The following CASK variants were observed in gnomAD, a reference collection of about 807,000 sequenced individuals.
The protein encoded by CASK is peripheral plasma membrane protein CASK.
A neutral mutation model predicts 82.9 loss-of-function variants in CASK; 4 were observed. The ratio of observed to expected loss-of-function variants is 0.05; its 90% CI spans 0.02 to 0.11. The LOEUF (loss-of-function observed/expected upper bound fraction) is 0.11, where lower values mean the gene tolerates loss of function less well. CASK is among the 10% of genes least tolerant of loss of function. The pLI is 1.00. For missense variants in CASK, 358 were observed against 720.9 expected (o/e 0.50, Z 5.76); for synonymous variants, 259 against 253.5 (o/e 1.02, Z -0.20).
At chrX:41,876,399 G>A (rs765305234) in intron 1 of CASK, among the ~76,000 whole-genome samples, 1 of 111,420 alleles carries the variant, frequency 9.0e-6, no homozygotes, top group Non-Finnish European at 1.9e-5. Context: ...CAAAGTCCAT[G>A]ACTTTTTTAA....
At chrX:41,544,564 T>TAAAAAAAAAAA (rs752196101) in intron 21 of CASK, among the ~76,000 whole-genome samples, 1 of 48,394 alleles carries the variant, frequency 2.1e-5, no homozygotes, top group Admixed American at 2.6e-4. Context: ...AGACCTTGTC[T>TAAAAAAAAAAA]AAAAAAAAAA....
intron 5 of CASK, among the ~76,000 whole-genome samples, chrX:41,721,475 G>C (rs1323053022): frequency 9.0e-6 from 1 of 111,106 alleles, no homozygotes; most frequent in Non-Finnish European, 1.9e-5. Context: ...TTCTTCCATG[G>C]TCAGTTTCTG....
intron 7 of CASK, among the ~76,000 whole-genome samples, chrX:41,663,893 C>T (rs5918221): frequency 0.12 from 13,508 of 111,195 alleles, 730 homozygotes; most frequent in Middle Eastern, 0.17. Context: ...TCTTTTAAAA[C>T]GTTAGTATCT....
At chrX:41,646,457 T>C (rs762848833) in intron 8 of CASK, among the ~76,000 whole-genome samples, 48 of 111,135 alleles carry the variant, frequency 4.3e-4, no homozygotes, top group African/African-American at 1.4e-3. Flanking sequence ...CTACTGTGCA[T>C]ACGAGGATCA....
intron 1 of CASK, among the ~76,000 whole-genome samples, chrX:41,896,893 T>A (rs1380563177): frequency 8.9e-6 from 1 of 112,168 alleles, no homozygotes; most frequent in Non-Finnish European, 1.9e-5. Flanking sequence ...ATTCATTCTA[T>A]CTAACTATAT....
intron 2 of CASK, among the ~76,000 whole-genome samples, chrX:41,846,025 A>G (rs2071148180): frequency 9.0e-6 from 1 of 111,552 alleles, no homozygotes; most frequent in African/African-American, 3.3e-5. Flanking sequence ...GGTTCCTCAA[A>G]AAACTAAAAA....
At chrX:41,612,321 G>A (rs2066080006) in intron 11 of CASK, among the ~76,000 whole-genome samples, 1 of 110,036 alleles carries the variant, frequency 9.1e-6, no homozygotes, top group Non-Finnish European at 1.9e-5. Context: ...CGCCCCGTCT[G>A]GGAGGTGAGG....
At chrX:41,679,358 C>T (rs1482669911) in intron 5 of CASK, among the ~76,000 whole-genome samples, 1 of 111,543 alleles carries the variant, frequency 9.0e-6, no homozygotes, top group African/African-American at 3.3e-5. Context: ...ACTTGATAGA[C>T]ACAAAACCGT....
rs749360460 is a variant in CASK, at chrX:41,808,768, C to T, written c.173-21485G>A. Among the ~76,000 whole-genome samples the T allele has an allele frequency of 4.4e-5, 5 of 112,382 alleles. No individual in the cohort carries two copies. In the East Asian group the frequency reaches 1.4e-3, roughly 32 times the overall value. ...CCACCGAGTGTGAGCCAAAGCAGGG[C>T]GAGACATCGCCTCACCCGGGAAGTG... is the stretch of plus-strand genomic sequence containing the variant. On this transcript the variant is annotated intron_variant, in intron 2 of 26. Transcript: ENST00000378163.
intron 1 of CASK, among the ~76,000 whole-genome samples, chrX:41,904,600 C>CT (rs201004390): frequency 4.5e-5 from 5 of 110,637 alleles, no homozygotes; most frequent in Admixed American, 9.6e-5. Context: ...CCAAAGTGAT[C>CT]TTTTTTTTTC....
At chrX:41,873,114 T>A (rs2071734386) in intron 1 of CASK, among the ~76,000 whole-genome samples, 1 of 110,535 alleles carries the variant, frequency 9.0e-6, no homozygotes, top group Admixed American at 9.7e-5. Flanking sequence ...CAGAAGGGGT[T>A]TTTATCAAAA....
At chrX:41,748,107 T>C (rs1239239837) in intron 3 of CASK, 4 of 111,847 alleles carry the variant, frequency 3.6e-5, no homozygotes, top group African/African-American at 9.8e-5. Context: ...GTAAGCACGA[T>C]TCAACTTAGA....
At chrX:41,556,957 T>C (rs1248754783) in intron 19 of CASK, 75 bp downstream of exon 19, 1 of 777,833 alleles carries the variant, frequency 1.3e-6, no homozygotes, top group Non-Finnish European at 2.0e-6. Flanking sequence ...ACTGAACACA[T>C]GTAACTAGAA....
chrX:41,844,014 T>C (rs2071099554), intron 2 of CASK, among the ~76,000 whole-genome samples: 1 of 111,953 alleles, frequency 8.9e-6, no homozygotes, highest in African/African-American at 3.2e-5. Flanking sequence ...TATCTGGATA[T>C]ATGTTTCATT....
intron 12 of CASK, among the ~76,000 whole-genome samples, chrX:41,592,877 A>T (rs2065767339): frequency 8.9e-6 from 1 of 111,997 alleles, no homozygotes; most frequent in Non-Finnish European, 1.9e-5. Context: ...AATGAGGCAC[A>T]GAGTGGTCAA....
intron 2 of CASK, 65 bp downstream of exon 2, chrX:41,853,050 T>TA: frequency 1.3e-6 from 1 of 757,522 alleles, no homozygotes. Flanking sequence ...GTTAGGTTGG[T>TA]AAATGGATTT....
At chrX:41,533,697 T>C (rs1602224152) in intron 24 of CASK, among the ~76,000 whole-genome samples, 1 of 112,545 alleles carries the variant, frequency 8.9e-6, no homozygotes, top group Middle Eastern at 4.6e-3. Context: ...TTCACTCTTG[T>C]TGCCCAGGCT....
At chrX:41,606,024 G>A (rs1283045070) in intron 12 of CASK, among the ~76,000 whole-genome samples, 1 of 111,486 alleles carries the variant, frequency 9.0e-6, no homozygotes, top group Non-Finnish European at 1.9e-5. Context: ...GTTCGTCATA[G>A]CCATTTTTCT....
At chrX:41,774,003 T>C (rs1232851615) in intron 3 of CASK, among the ~76,000 whole-genome samples, 2 of 112,051 alleles carry the variant, frequency 1.8e-5, no homozygotes, top group African/African-American at 3.2e-5. Flanking sequence ...CTTAGCTTAC[T>C]ATAATTTTTT....
Sources: gnomAD v4.1 joint callset for allele counts (sites outside exome capture counted in the v4.1 genomes callset) on GRCh38, gnomAD v4.1.1 for gene constraint, MANE v1.5 for transcripts, NCBI Gene and HGNC (gene_info 2026-07-23, HGNC 2026-07-21) for gene names.